Variants in ERI3 observed in about 807,000 individuals in gnomAD.
ERI3 encodes ERI1 exoribonuclease 3.
Under a neutral mutation model 44.4 loss-of-function variants are expected in ERI3, and 18 were observed. The ratio of observed to expected loss-of-function variants is 0.41; its 90% CI spans 0.28 to 0.60. The LOEUF is 0.60. Among genes scored for constraint, ERI3 ranks in the 20% least tolerant of loss-of-function variants. The pLI is 0.36. For synonymous variants in ERI3, 183 were observed against 164.8 expected, an observed-to-expected ratio of 1.11 and a Z score of -0.84; for missense variants, 294 against 435.5, an observed-to-expected ratio of 0.68 and a Z score of 2.89.
intron 6 of ERI3, among the ~76,000 whole-genome samples, chr1:44,289,765 A>AC (rs1645466591): frequency 6.6e-6 from 1 of 152,116 alleles, no homozygotes; most frequent in Non-Finnish European, 1.5e-5. Context: ...TTAGGGGAAC[A>AC]CCCCCCTCGC....
intron 2 of ERI3, among the ~76,000 whole-genome samples, chr1:44,348,994 G>A (rs1646838718): frequency 6.6e-6 from 1 of 152,220 alleles, no homozygotes; most frequent in African/African-American, 2.4e-5. Flanking sequence ...TTACAAAGAT[G>A]TAAGGCCACA....
intron 7 of ERI3, among the ~76,000 whole-genome samples, chr1:44,250,115 G>A (rs545350347): frequency 2.6e-5 from 4 of 152,312 alleles, no homozygotes; most frequent in African/African-American, 9.6e-5. Context: ...AATCACACCC[G>A]AATTTCAGTA....
At chr1:44,260,645 TC>T (rs1644875185) in intron 7 of ERI3, among the ~76,000 whole-genome samples, 1 of 152,238 alleles carries the variant, frequency 6.6e-6, no homozygotes, top group African/African-American at 2.4e-5. Context: ...CCCCTGGGTC[TC>T]AGTTTCTTCA....
intron 7 of ERI3, among the ~76,000 whole-genome samples, chr1:44,273,660 A>C (rs937725531): frequency 1.3e-5 from 2 of 152,228 alleles, no homozygotes; most frequent in Non-Finnish European, 2.9e-5. Flanking sequence ...TAAGCAGATA[A>C]TTACAAAAGC....
rs1644275953 is a variant in ERI3, at chr1:44,235,189, A to G, written c.931+12750T>C. 6.6e-6 allele frequency among the ~76,000 whole-genome samples: 1 copy of G among 152,150 alleles called. No individual in the cohort carries two copies. The highest frequency in any genetic ancestry group is 1.5e-5 in the Non-Finnish European group (1 of 68,046). ...CCTTGCCTGACTCAGCTCCCAATGC[A>G]TCCAAACCCCTTTATAAAAGTCTGA... On this transcript the variant is annotated intron_variant, in intron 8 of 8. Coordinates refer to ENST00000372257, the MANE Select transcript of ERI3 (RefSeq NM_024066.3). The surrounding 1 kb of genome is among the most constrained non-coding windows in gnomAD (Gnocchi z 4.6).
chr1:44,353,528 C>T (rs1572364464), intron 1 of ERI3: 1 of 985,432 alleles, frequency 1.0e-6, no homozygotes, highest in South Asian at 4.7e-5. Flanking sequence ...CATAAAGAAA[C>T]ACCTAGGGTT....
intron 6 of ERI3, among the ~76,000 whole-genome samples, chr1:44,290,228 T>C (rs916340106): frequency 6.6e-6 from 1 of 152,180 alleles, no homozygotes; most frequent in African/African-American, 2.4e-5. Flanking sequence ...AGGAGCAAAC[T>C]ACTGTATTCC....
intron 2 of ERI3, among the ~76,000 whole-genome samples, chr1:44,339,557 G>A (rs376567336): frequency 3.9e-5 from 6 of 152,028 alleles, no homozygotes; most frequent in East Asian, 3.9e-4. Flanking sequence ...TTACAGCTCT[G>A]AGTCTCCCAG....
intron 3 of ERI3, among the ~76,000 whole-genome samples, chr1:44,332,355 A>T (rs899815831): frequency 5.3e-5 from 8 of 152,152 alleles, no homozygotes; most frequent in Non-Finnish European, 1.0e-4. Flanking sequence ...TCAGGATAAT[A>T]AGAGGCTAGG....
intron 7 of ERI3, among the ~76,000 whole-genome samples, chr1:44,261,644 T>C (rs1644896335): frequency 6.6e-6 from 1 of 152,264 alleles, no homozygotes; most frequent in Non-Finnish European, 1.5e-5. Context: ...TGCGCCCCGC[T>C]ATGCGCTCCG....
rs761850966 is a variant in ERI3, at chr1:44,247,952, G to C, written c.918C>G (p.Pro306=). ...GAAGGGACTGACCAATGCCGCTGTG[G>C]GGCCGGCCTATGTGTTGCAGGCTGA... ...KGLSLQHIGR[P]HSGIDDCKNI... Residue 306 remains proline, a synonymous_variant, in exon 8 of 9, where the codon CCC becomes CCG. Coordinates refer to ENST00000372257, the MANE Select transcript of ERI3 (RefSeq NM_024066.3). 6.2e-7 allele frequency: 1 copy of C among 1,612,374 alleles called. No individual in the cohort carries two copies. Among genetic ancestry groups the C allele is most frequent in the African/African-American group, 1.3e-5 (1 of 74,870 alleles).
intron 7 of ERI3, among the ~76,000 whole-genome samples, chr1:44,278,756 C>G (rs1408182211): frequency 1.3e-5 from 2 of 152,074 alleles, no homozygotes; most frequent in African/African-American, 2.4e-5. Flanking sequence ...CCCGCCACCA[C>G]ATCCGACTAA....
At chr1:44,348,891 T>G (rs1410785368) in intron 2 of ERI3, among the ~76,000 whole-genome samples, 1 of 152,210 alleles carries the variant, frequency 6.6e-6, no homozygotes, top group African/African-American at 2.4e-5. Flanking sequence ...GGCCTCAGTT[T>G]CTTCATATGG....
intron 8 of ERI3, among the ~76,000 whole-genome samples, chr1:44,233,170 T>C (rs991423986): frequency 6.6e-6 from 1 of 152,098 alleles, no homozygotes; most frequent in Non-Finnish European, 1.5e-5. Context: ...GCCCAGCCAA[T>C]CTCCAGTGTT....
At chr1:44,349,998 CCAT>C (rs1646857976) in intron 2 of ERI3, among the ~76,000 whole-genome samples, 2 of 152,150 alleles carry the variant, frequency 1.3e-5, no homozygotes, top group Admixed American at 6.5e-5. Flanking sequence ...TTGACATATA[CCAT>C]CATACCTGAA....
intron 7 of ERI3, among the ~76,000 whole-genome samples, chr1:44,262,708 T>C (rs2154320287): frequency 6.6e-6 from 1 of 152,356 alleles, no homozygotes; most frequent in South Asian, 2.1e-4. Flanking sequence ...AAGGCTTCTC[T>C]GAGGACAATG....
At chr1:44,243,549 C>G (rs1220157429) in intron 8 of ERI3, 1 of 152,184 alleles carries the variant, frequency 6.6e-6, no homozygotes, top group African/African-American at 2.4e-5. Flanking sequence ...CTGGGAGGGC[C>G]AGGCGAGACT....
chr1:44,354,594 G>A (rs1245291593), intron 1 of ERI3: 10 of 985,240 alleles, frequency 1.0e-5, no homozygotes, highest in African/African-American at 1.7e-5. Context: ...GTTGGCGAGA[G>A]GGTCAAGGGA....
chr1:44,305,708 TATC>T lies in ERI3; in HGVS notation c.758+2599_758+2601del, dbSNP rs148735423. Among the ~76,000 whole-genome samples, 818 of 152,270 alleles carry T rather than the reference TATC, an allele frequency of 5.4e-3. 6 individuals are homozygous for T. Among genetic ancestry groups the T allele is most frequent in the African/African-American group, 0.019 (772 of 41,542 alleles). Reference sequence around the variant, plus strand: ...AGTTCCCATTTCTCAGTGCCCCACTTATCAGCCCCTTTCCAACAAAAGTGATGT... The same window carrying T: ...AGTTCCCATTTCTCAGTGCCCCACTTAGCCCCTTTCCAACAAAAGTGATGT... On this transcript the variant is annotated intron_variant, in intron 6 of 8. Transcript: ENST00000372257.
Sources: gnomAD v4.1 joint callset for allele counts (sites outside exome capture counted in the v4.1 genomes callset) on GRCh38, gnomAD v4.1.1 for gene constraint, Gnocchi (gnomAD v3.1) non-coding constraint, MANE v1.5 for transcripts, NCBI Gene and HGNC (gene_info 2026-07-23, HGNC 2026-07-21) for gene names.